The following THADA variants were observed in gnomAD, a reference collection of about 807,000 sequenced individuals.
THADA encodes the protein tRNA (32-2'-O)-methyltransferase regulator THADA.
Under a neutral mutation model 219.8 loss-of-function variants are expected in THADA, and 213 were observed. That is an observed-to-expected ratio of 0.97 (90% CI 0.87 to 1.09). The LOEUF (loss-of-function observed/expected upper bound fraction) is 1.09. Ranked by LOEUF, THADA falls within the 50% of genes least tolerant of loss-of-function variation. THADA has a pLI of 0.00. For synonymous variants in THADA, 1,018 were observed against 828.9 expected, an observed-to-expected ratio of 1.23 and a Z score of -3.92; for missense variants, 2,956 against 2,311.3, an observed-to-expected ratio of 1.28 and a Z score of -5.72.
chr2:43,459,915 A>G (rs1683426484), intron 26 of THADA, among the ~76,000 whole-genome samples: 1 of 152,196 alleles, frequency 6.6e-6, no homozygotes, highest in African/African-American at 2.4e-5. Flanking sequence ...TTTCAGACCA[A>G]ATGAGTTCAG....
At chr2:43,316,221 A>G (rs139704108) in intron 31 of THADA, among the ~76,000 whole-genome samples, 2 of 152,164 alleles carry the variant, frequency 1.3e-5, no homozygotes, top group African/African-American at 2.4e-5. Flanking sequence ...TCTCAAGTAG[A>G]AATGATCTTT....
chr2:43,420,110 G>A (rs1677507308), intron 28 of THADA, among the ~76,000 whole-genome samples: 1 of 152,058 alleles, frequency 6.6e-6, no homozygotes, highest in Non-Finnish European at 1.5e-5. Context: ...ATCACCATGG[G>A]TGATTTCTAA....
chr2:43,338,756 A>G (rs921325301), intron 30 of THADA, among the ~76,000 whole-genome samples: 1 of 152,160 alleles, frequency 6.6e-6, no homozygotes, highest in African/African-American at 2.4e-5. Context: ...TTATCCATTC[A>G]TCATTCATCA....
chr2:43,466,495 G>A (rs904890769), intron 26 of THADA, among the ~76,000 whole-genome samples: 2 of 152,038 alleles, frequency 1.3e-5, no homozygotes, highest in South Asian at 2.1e-4. Context: ...GAATATTCAC[G>A]CTGCTAGCAC....
At chr2:43,264,980 A>G (rs776824262) in intron 36 of THADA, among the ~76,000 whole-genome samples, 1 of 152,282 alleles carries the variant, frequency 6.6e-6, no homozygotes, top group African/African-American at 2.4e-5. Context: ...GGGGACCAGC[A>G]CTGCATATTG....
chr2:43,351,896 A>G (rs890372539), intron 29 of THADA, among the ~76,000 whole-genome samples: 1 of 152,222 alleles, frequency 6.6e-6, no homozygotes, highest in African/African-American at 2.4e-5. Context: ...TTCACAGGGG[A>G]GACTTGTCAA....
intron 15 of THADA, chr2:43,563,209 G>C (rs1470892730): frequency 1.3e-5 from 2 of 152,144 alleles, no homozygotes; most frequent in Non-Finnish European, 2.9e-5. Context: ...TATAAGCACA[G>C]CTTTTGCTGC....
intron 26 of THADA, among the ~76,000 whole-genome samples, chr2:43,480,024 A>G (rs1685999234): frequency 6.6e-6 from 1 of 152,222 alleles, no homozygotes; most frequent in African/African-American, 2.4e-5. Context: ...AGAGTCTGAC[A>G]AAATAAAATC....
At chr2:43,418,581 A>C (rs1677301547) in intron 28 of THADA, among the ~76,000 whole-genome samples, 1 of 152,202 alleles carries the variant, frequency 6.6e-6, no homozygotes, top group Non-Finnish European at 1.5e-5. Context: ...CAACTTTTGG[A>C]TGTGTGTGAG....
At chr2:43,405,063 G>A (rs979576183) in intron 28 of THADA, among the ~76,000 whole-genome samples, 4 of 152,182 alleles carry the variant, frequency 2.6e-5, no homozygotes. Context: ...TGCTCACAGA[G>A]GCCTACCCTC....
At chr2:43,463,013 G>T (rs549599721) in intron 26 of THADA, 2 of 152,216 alleles carry the variant, frequency 1.3e-5, no homozygotes, top group African/African-American at 4.8e-5. Context: ...GCAACAGTTT[G>T]AGGGTGAGGG....
intron 1 of THADA, among the ~76,000 whole-genome samples, chr2:43,594,478 G>A (rs12478337): frequency 0.082 from 12,505 of 152,106 alleles, 625 homozygotes; most frequent in Non-Finnish European, 0.12. Flanking sequence ...CAGCTACTCC[G>A]GAGGCTGAGG....
At chr2:43,258,990 G>A (rs553411362) in intron 36 of THADA, among the ~76,000 whole-genome samples, 1 of 152,270 alleles carries the variant, frequency 6.6e-6, no homozygotes, top group East Asian at 1.9e-4. Context: ...TTCTGTGGTG[G>A]AAAGTGAACC....
intron 25 of THADA, among the ~76,000 whole-genome samples, chr2:43,495,893 T>C (rs1424529180): frequency 6.6e-6 from 1 of 152,200 alleles, no homozygotes; most frequent in African/African-American, 2.4e-5. Context: ...AAAGGTAAAC[T>C]CTGTGTCCTC....
chr2:43,547,704 C>T (rs889158964), intron 20 of THADA, among the ~76,000 whole-genome samples: 6 of 152,190 alleles, frequency 3.9e-5, no homozygotes, highest in Non-Finnish European at 5.9e-5. Flanking sequence ...CGAGCCTTGG[C>T]TTTCAGCTCC....
intron 29 of THADA, among the ~76,000 whole-genome samples, chr2:43,378,204 A>C (rs922237994): frequency 6.6e-6 from 1 of 152,204 alleles, no homozygotes. Context: ...GAAGTAGAAA[A>C]TTCCATGACA....
intron 35 of THADA, among the ~76,000 whole-genome samples, chr2:43,280,792 G>C (rs970778860): frequency 6.6e-6 from 1 of 152,234 alleles, no homozygotes; most frequent in African/African-American, 2.4e-5. Flanking sequence ...GCTAGGTGCT[G>C]CTGCGGACAA....
chr2:43,505,839 CAT>C (rs1363695853), intron 23 of THADA, 104 bp from the exon 24 acceptor site: 8 of 799,226 alleles, frequency 1.0e-5, no homozygotes, highest in South Asian at 3.5e-5. Context: ...TTAATAAAAA[CAT>C]GTGGTTATCA....
chr2:43,292,768 C>T, intron 32 of THADA, 66 bp downstream of exon 32: 2 of 1,551,234 alleles, frequency 1.3e-6, no homozygotes, highest in South Asian at 1.2e-5. Context: ...ATGATCCTAC[C>T]ATTCCAGTGG....
Sources: allele counts gnomAD v4.1 joint callset (sites outside exome capture counted in the v4.1 genomes callset), GRCh38; gene constraint gnomAD v4.1.1; transcripts MANE v1.5; gene names NCBI Gene and HGNC (gene_info 2026-07-23, HGNC 2026-07-21).